The following RPRD1B variants were observed in gnomAD, a reference collection of about 807,000 sequenced individuals.
RPRD1B encodes regulation of nuclear pre-mRNA domain-containing protein 1B.
A neutral mutation model predicts 41.5 loss-of-function variants in RPRD1B; 11 were observed. That is an observed-to-expected ratio of 0.27 (90% CI 0.17 to 0.44). The LOEUF is 0.44. Ranked by LOEUF, RPRD1B falls within the 20% of genes least tolerant of loss-of-function variation. The pLI, the probability that RPRD1B is intolerant of heterozygous loss-of-function variation, is 1.00. For missense variants in RPRD1B, 248 were observed against 389.9 expected (o/e 0.64, Z 3.06); for synonymous variants, 158 against 155.6 (o/e 1.02, Z -0.12).
intron 6 of RPRD1B, 101 bp downstream of exon 6, chr20:38,066,357 T>G: frequency 8.9e-7 from 1 of 1,122,804 alleles, no homozygotes; most frequent in Non-Finnish European, 1.3e-6. Context: ...TTTTTATCGT[T>G]TAAAAATTCA....
At chr20:38,051,297 C>T (rs1459848129) in intron 3 of RPRD1B, among the ~76,000 whole-genome samples, 1 of 152,164 alleles carries the variant, frequency 6.6e-6, no homozygotes, top group African/African-American at 2.4e-5. Flanking sequence ...TGAGAATACT[C>T]AAGGTGTTGC....
chr20:38,080,788 G>A (rs1221578413), intron 6 of RPRD1B, among the ~76,000 whole-genome samples: 2 of 152,166 alleles, frequency 1.3e-5, no homozygotes, highest in African/African-American at 4.8e-5. Flanking sequence ...GCCTCCCAAA[G>A]TGCTGGGATT....
At chr20:38,040,846 T>G (rs1568642831) in intron 2 of RPRD1B, among the ~76,000 whole-genome samples, 1 of 152,250 alleles carries the variant, frequency 6.6e-6, no homozygotes. Flanking sequence ...TTTCCTTGGT[T>G]TGGTTGAGTT....
At chr20:38,035,483 A>C (rs1446317239) in intron 1 of RPRD1B, among the ~76,000 whole-genome samples, 1 of 152,232 alleles carries the variant, frequency 6.6e-6, no homozygotes, top group Non-Finnish European at 1.5e-5. Flanking sequence ...AGGCTGGCAA[A>C]CACCAAAATC....
rs1190769842 is a variant in RPRD1B, at chr20:38,092,000, T to A, written c.*2125T>A. 1.0e-6 allele frequency: 1 copy of A among 985,774 alleles called. No individual in the cohort carries two copies. The highest frequency in any genetic ancestry group is 6.1e-5 in the Admixed American group (1 of 16,272). The allele number at this position is 985,774 out of a possible 1,614,324, so 61.1% of individuals were successfully genotyped here. A position where few individuals can be genotyped will look rare whatever the true frequency, so the allele number is the denominator to read the frequency against. Reference sequence around the variant, plus strand: ...ATGAAATGCTTTCGTTTTTTAAATCTTAATTCTGCTGTCCACATCCTCCCA... The same window carrying A: ...ATGAAATGCTTTCGTTTTTTAAATCATAATTCTGCTGTCCACATCCTCCCA... On this transcript the variant is annotated 3_prime_UTR_variant, in exon 7 of 7. Transcript: ENST00000373433.
chr20:38,055,903 A>G (rs1354829904), intron 3 of RPRD1B, among the ~76,000 whole-genome samples: 1 of 152,158 alleles, frequency 6.6e-6, no homozygotes, highest in African/African-American at 2.4e-5. Context: ...CAAAATTTGT[A>G]CTTTATGCAA....
At chr20:38,066,780 C>A (rs1331604925) in intron 6 of RPRD1B, among the ~76,000 whole-genome samples, 2 of 152,130 alleles carry the variant, frequency 1.3e-5, no homozygotes, top group African/African-American at 4.8e-5. Flanking sequence ...CTCAGCCTCC[C>A]AAGTAGCTGG....
chr20:38,091,926 A>G lies in RPRD1B; in HGVS notation c.*2051A>G. 2.0e-6 allele frequency: 2 copies of G among 985,876 alleles called. No homozygotes were observed. The highest frequency in any genetic ancestry group is 2.4e-6 in the Non-Finnish European group (2 of 829,924). The allele number at this position is 985,876 out of a possible 1,614,324, so 61.1% of individuals were successfully genotyped here. A position where few individuals can be genotyped will look rare whatever the true frequency, so the allele number is the denominator to read the frequency against. ...TGTAAATGAATGTGTTGGCCTCTTA[A>G]TACCTGTTACTAGTGGACTTCCTGT... is the stretch of plus-strand genomic sequence containing the variant. On this transcript the variant is annotated 3_prime_UTR_variant, in exon 7 of 7. Coordinates refer to ENST00000373433, the MANE Select transcript of RPRD1B (RefSeq NM_021215.4).
At position 38,074,543 on chromosome 20, in the gene RPRD1B, G is replaced by A. The variant is rs545513320; in HGVS notation, c.831+8287G>A. Among the ~76,000 whole-genome samples the A allele has an allele frequency of 3.3e-5, 5 of 152,286 alleles. No homozygotes were observed. In the East Asian group the frequency reaches 5.8e-4, roughly 18 times the overall value. On this transcript the variant is annotated intron_variant, in intron 6 of 6. Coordinates refer to ENST00000373433, the MANE Select transcript of RPRD1B (RefSeq NM_021215.4). ...AATTCATGCCTTTAGCCATAGTACC[G>A]TTTTCATATTTGTAGCCCAACTTCT...
rs776063944 is a variant in RPRD1B at position 38,034,063 on chromosome 20, C to G, written c.116C>G (p.Pro39Arg). The G allele has an allele frequency of 6.2e-7, 1 of 1,614,048 alleles. No homozygotes were observed. The highest frequency in any genetic ancestry group is 8.5e-7 in the Non-Finnish European group (1 of 1,180,008). ...WLIHHRKHAG[P>R]IVSVWHRELR... The stretch of plus-strand genomic sequence containing the variant: ...ATCCACCACCGCAAGCACGCGGGAC[C>G]CATCGTCTCCGTGTGGCACCGCGAG... The change falls in exon 1 of 7, where the codon CCC (proline) becomes CGC (arginine). Residue 39 changes from proline to arginine, a missense_variant. Coordinates refer to ENST00000373433, the MANE Select transcript of RPRD1B (RefSeq NM_021215.4).
intron 5 of RPRD1B, among the ~76,000 whole-genome samples, chr20:38,063,032 G>A (rs1050685716): frequency 8.6e-5 from 13 of 151,808 alleles, no homozygotes; most frequent in East Asian, 1.9e-4. Context: ...CTCTGTTACC[G>A]CAAGACTTTT....
intron 3 of RPRD1B, chr20:38,049,659 C>T: frequency 2.1e-6 from 1 of 466,890 alleles, no homozygotes; most frequent in Admixed American, 2.4e-5. Context: ...TGAGCCACCT[C>T]ACCTGGCCTA....
chr20:38,076,648 C>T (rs2074462345), intron 6 of RPRD1B, among the ~76,000 whole-genome samples: 1 of 151,970 alleles, frequency 6.6e-6, no homozygotes, highest in Non-Finnish European at 1.5e-5. Flanking sequence ...TCAGAATTTC[C>T]CCCCTTCCCC....
chr20:38,040,416 TTTC>T lies in RPRD1B; in HGVS notation c.152-16_152-14del. On this transcript the variant is annotated splice_polypyrimidine_tract_variant and intron_variant, in intron 1 of 6. Transcript: ENST00000373433. ...ATTTCTTTGGTGTAAGTTAAATTCTTTTCTTTTCTTTTTTTCAGCCAAATCAAA... is the reference window on the plus strand; with the variant it reads ...ATTTCTTTGGTGTAAGTTAAATTCTTTTTTCTTTTTTTCAGCCAAATCAAA... 6.4e-7 allele frequency: 1 copy of T among 1,567,948 alleles called. No individual in the cohort carries two copies. The highest frequency in any genetic ancestry group is 1.2e-5 in the South Asian group (1 of 84,326).
At position 38,066,132 on chromosome 20, in the gene RPRD1B, T is replaced by A. The variant is rs766902192; in HGVS notation, c.707T>A (p.Leu236Ter). 2 of 1,614,210 alleles carry A rather than the reference T, an allele frequency of 1.2e-6. No homozygotes were observed. The highest frequency in any genetic ancestry group is 2.2e-5 in the East Asian group (1 of 44,886). Residue 236 changes from leucine to a stop codon, truncating the protein, a stop_gained, in exon 6 of 7, where the codon TTA (leucine) becomes TAA (stop). Transcript: ENST00000373433. LOFTEE classifies it high-confidence loss of function. ...LSKTVDEACL[L>*]LAEYNGRLAA... ...AAAACAGTAGATGAAGCATGTCTGT[T>A]ACTAGCAGAATATAACGGGCGCCTG...
intron 3 of RPRD1B, among the ~76,000 whole-genome samples, chr20:38,048,924 T>G (rs1326290764): frequency 6.6e-6 from 1 of 152,224 alleles, no homozygotes; most frequent in African/African-American, 2.4e-5. Context: ...TCCTTAGGAT[T>G]GTCAGCATGG....
intron 6 of RPRD1B, among the ~76,000 whole-genome samples, chr20:38,077,323 A>T (rs1037700452): frequency 6.6e-5 from 10 of 152,048 alleles, no homozygotes; most frequent in African/African-American, 2.4e-4. Flanking sequence ...CATGTACTTC[A>T]GACTCATGTA....
chr20:38,037,861 T>G (rs1371152997), intron 1 of RPRD1B, among the ~76,000 whole-genome samples: 1 of 152,180 alleles, frequency 6.6e-6, no homozygotes. Flanking sequence ...TTCTAGGTTT[T>G]TTTTTTTTCA....
At chr20:38,049,946 G>T (rs1381904008) in intron 3 of RPRD1B, 2 of 427,858 alleles carry the variant, frequency 4.7e-6, no homozygotes, top group Non-Finnish European at 9.6e-6. Context: ...TGGATGCTCT[G>T]TTGGCACTGC....
Sources: allele counts gnomAD v4.1 joint callset (sites outside exome capture counted in the v4.1 genomes callset), GRCh38; gene constraint gnomAD v4.1.1; transcripts MANE v1.5; gene names NCBI Gene and HGNC (gene_info 2026-07-23, HGNC 2026-07-21).